AIG1: variants seen among roughly 807,000 people sequenced by gnomAD.
AIG1 encodes the protein androgen induced 1.
A neutral mutation model predicts 31.4 loss-of-function variants in AIG1; 23 were observed. That is an observed-to-expected ratio of 0.73 (90% confidence interval 0.53 to 1.04). The LOEUF (loss-of-function observed/expected upper bound fraction) is 1.04. Among genes scored for constraint, AIG1 ranks in the 50% least tolerant of loss-of-function variants. The pLI is 0.00. For synonymous variants in AIG1, 100 were observed against 110.5 expected, an observed-to-expected ratio of 0.90 and a Z score of 0.60; for missense variants, 274 against 295.0, an observed-to-expected ratio of 0.93 and a Z score of 0.52.
At chr6:143,343,071 A>C (rs1445001068), downstream of AIG1, 4 of 780,130 alleles carry the variant, frequency 5.1e-6, no homozygotes, top group Admixed American at 5.1e-5. Flanking sequence ...CACTTGGTGC[A>C]TCTCGCGCCA....
Position 143,061,002 on chromosome 6 carries a change from C to T in AIG1, c.77C>T (p.Ala26Val), listed in dbSNP as rs1319125996. The change falls in exon 1 of 6, where the codon GCC (alanine) becomes GTC (valine). Residue 26 changes from alanine (A) to valine (V), a missense_variant. Transcript: ENST00000357847. ...TGCTCTATCCTGTGTAACTACAAGG[C>T]CATCGAAATGCCCTCACACCAGACC... ...SYCSILCNYK[A>V]IEMPSHQTYG... 1.2e-6 allele frequency: 2 copies of T among 1,613,524 alleles called. No homozygotes were observed. Among genetic ancestry groups the T allele is most frequent in the South Asian group, 2.2e-5 (2 of 91,078 alleles).
chr6:143,230,745 A>G (rs1256947170), intron 3 of AIG1, among the ~76,000 whole-genome samples: 2 of 152,154 alleles, frequency 1.3e-5, no homozygotes, highest in Non-Finnish European at 2.9e-5. Context: ...TCAAAATACT[A>G]TAATAGCATA....
intron 4 of AIG1, among the ~76,000 whole-genome samples, chr6:143,302,591 A>G (rs1798909246): frequency 6.6e-6 from 1 of 152,188 alleles, no homozygotes; most frequent in African/African-American, 2.4e-5. Context: ...TCCATGGTGT[A>G]TATGTACCAC....
intron 4 of AIG1, among the ~76,000 whole-genome samples, chr6:143,304,880 G>A (rs1799130931): frequency 6.6e-6 from 1 of 152,076 alleles, no homozygotes; most frequent in Non-Finnish European, 1.5e-5. Context: ...TTGGTAAGCT[G>A]TTGATTATTG....
intron 3 of AIG1, among the ~76,000 whole-genome samples, chr6:143,240,163 G>A (rs1468102020): frequency 6.6e-6 from 1 of 152,198 alleles, no homozygotes; most frequent in African/African-American, 2.4e-5. Context: ...CTTTGGGCAA[G>A]TCACTTAACC....
intron 3 of AIG1, among the ~76,000 whole-genome samples, chr6:143,167,344 A>G (rs1456433802): frequency 2.0e-5 from 3 of 152,200 alleles, no homozygotes; most frequent in Admixed American, 1.3e-4. Context: ...AGAGTGTCCA[A>G]ATTGTGAGTA....
In AIG1 at chr6:143,326,651, G is replaced by A. The variant is rs1012765248; in HGVS notation, c.516-6631G>A. 6.6e-6 allele frequency among the ~76,000 whole-genome samples: 1 copy of A among 152,182 alleles called. No individual in the cohort carries two copies. The highest frequency in any genetic ancestry group is 2.4e-5 in the African/African-American group (1 of 41,444). Reference sequence around the variant, plus strand: ...GTTCTATAAGAACTTATAAAAATCTGTCCTAATCTGATGGATCAGGGGAGA... The same window carrying A: ...GTTCTATAAGAACTTATAAAAATCTATCCTAATCTGATGGATCAGGGGAGA... On this transcript the variant is annotated intron_variant, in intron 4 of 5. Coordinates refer to ENST00000357847, the MANE Select transcript of AIG1 (RefSeq NM_016108.4). The surrounding 1 kb of genome is among the most constrained non-coding windows in gnomAD (Gnocchi z 4.5).
intron 3 of AIG1, among the ~76,000 whole-genome samples, chr6:143,208,992 A>G (rs1294335765): frequency 6.6e-6 from 1 of 151,972 alleles, no homozygotes; most frequent in Non-Finnish European, 1.5e-5. Flanking sequence ...ATAGAGGACA[A>G]GCAGGAGAAA....
intron 3 of AIG1, among the ~76,000 whole-genome samples, chr6:143,225,692 C>T (rs139711007): frequency 3.9e-5 from 6 of 152,202 alleles, no homozygotes; most frequent in South Asian, 2.1e-4. Context: ...CTCCAAGAAG[C>T]GAATTTTACA....
chr6:143,294,648 T>G (rs4896637), intron 4 of AIG1, among the ~76,000 whole-genome samples: 2 of 151,766 alleles, frequency 1.3e-5, no homozygotes, highest in African/African-American at 4.9e-5. Context: ...TTTAGCAAAA[T>G]TTTGGCTGAT....
At chr6:143,120,172 G>A (rs1782123582) in intron 1 of AIG1, among the ~76,000 whole-genome samples, 1 of 152,138 alleles carries the variant, frequency 6.6e-6, no homozygotes. Context: ...GATCTCAGGT[G>A]ATCTGCCTGC....
intron 1 of AIG1, among the ~76,000 whole-genome samples, chr6:143,132,571 T>C (rs148744432): frequency 7.8e-4 from 118 of 152,202 alleles, no homozygotes; most frequent in African/African-American, 2.8e-3. Flanking sequence ...TTGTGTGTAC[T>C]CCACTGTTGA....
chr6:143,085,111 A>T (rs1480414405), intron 1 of AIG1, among the ~76,000 whole-genome samples: 1 of 152,204 alleles, frequency 6.6e-6, no homozygotes, highest in Non-Finnish European at 1.5e-5. Flanking sequence ...CATCAGGGTC[A>T]TCTGAGAATT....
At chr6:143,174,246 T>C (rs988885432) in intron 3 of AIG1, among the ~76,000 whole-genome samples, 1 of 152,130 alleles carries the variant, frequency 6.6e-6, no homozygotes, top group African/African-American at 2.4e-5. Context: ...CCCAGCACTT[T>C]GGGAGGCCAA....
intron 2 of AIG1, among the ~76,000 whole-genome samples, chr6:143,145,149 C>T (rs116279163): frequency 0.015 from 2,241 of 152,190 alleles, 41 homozygotes; most frequent in Middle Eastern, 0.082. Context: ...CTCAGCATCC[C>T]GAGTAGCTGG....
intron 3 of AIG1, among the ~76,000 whole-genome samples, chr6:143,266,409 C>T (rs1345509362): frequency 6.7e-6 from 1 of 148,816 alleles, no homozygotes; most frequent in African/African-American, 2.5e-5. Context: ...AAATGGAAAT[C>T]GCCTGAGATC....
intron 3 of AIG1, among the ~76,000 whole-genome samples, chr6:143,218,438 A>G (rs1321622330): frequency 4.6e-5 from 7 of 152,216 alleles, no homozygotes; most frequent in Non-Finnish European, 1.0e-4. Context: ...AGAATAAAAT[A>G]TCATATGTTT....
chr6:143,281,565 CA>C (rs1478994982), intron 3 of AIG1, among the ~76,000 whole-genome samples: 4 of 152,178 alleles, frequency 2.6e-5, no homozygotes, highest in African/African-American at 7.2e-5. Flanking sequence ...AGTTATAACT[CA>C]ACTGCTAAAG....
rs1422027579 is a variant in AIG1, at chr6:143,338,443, T to G, written c.680-1196T>G. ...TAAAAGATCATCTGGGGACATTCAT[T>G]CAGAGCACGTTACCCACATTCCACC... On this transcript the variant is annotated intron_variant, in intron 5 of 5. Transcript: ENST00000357847. This position sits in a 1 kb window ranked among gnomAD's most constrained non-coding sequence, Gnocchi z 4.3. The G allele has an allele frequency of 6.5e-6, 1 of 154,952 alleles. No individual in the cohort carries two copies. The highest frequency in any genetic ancestry group is 2.4e-5 in the African/African-American group (1 of 41,552). 9.6% of individuals were successfully genotyped at this position (154,952 alleles called of 1,614,324 possible).
Sources: allele counts gnomAD v4.1 joint callset (sites outside exome capture counted in the v4.1 genomes callset), GRCh38; gene constraint gnomAD v4.1.1; non-coding constraint Gnocchi (gnomAD v3.1); transcripts MANE v1.5; gene names NCBI Gene and HGNC (gene_info 2026-07-23, HGNC 2026-07-21).